Variants in CAPN13 observed in about 807,000 individuals in gnomAD.
CAPN13 encodes the protein calpain 13, also known as calpain-13.
CAPN13 carries 90 observed loss-of-function variants against 98.4 expected under a neutral mutation model. The observed-to-expected ratio is 0.92, with a 90% CI of 0.77 to 1.09. The LOEUF (loss-of-function observed/expected upper bound fraction) is 1.09. CAPN13 is among the 50% of genes least tolerant of loss of function. The pLI is 0.00. For synonymous variants in CAPN13, 330 were observed against 305.5 expected (o/e 1.08, Z -0.84); for missense variants, 887 against 841.3 (o/e 1.05, Z -0.67).
chr2:30,781,852 C>T (rs1439716219), intron 2 of CAPN13, among the ~76,000 whole-genome samples: 1 of 152,014 alleles, frequency 6.6e-6, no homozygotes, highest in East Asian at 1.9e-4. Context: ...GAGATATATA[C>T]TAGGATATAT....
intron 12 of CAPN13, among the ~76,000 whole-genome samples, chr2:30,744,278 G>A (rs944684065): frequency 2.6e-5 from 4 of 152,204 alleles, no homozygotes; most frequent in Non-Finnish European, 5.9e-5. Context: ...CAGGGAAAAC[G>A]GGAAAGGGGA....
In CAPN13 at chr2:30,730,956, T is replaced by G. The variant is rs184857435; in HGVS notation, c.1984-170A>C. On this transcript the variant is annotated intron_variant, in intron 21 of 22. Transcript: ENST00000295055. ...GGGCGGGGTTGTCTCACAGCACATCTTCTGCTACTCCCTGAATAACCAGGC... is the reference window on the plus strand; with the variant it reads ...GGGCGGGGTTGTCTCACAGCACATCGTCTGCTACTCCCTGAATAACCAGGC... Among the ~76,000 whole-genome samples the G allele has an allele frequency of 3.6e-3, 551 of 152,270 alleles. 4 individuals carry two copies. Among genetic ancestry groups the G allele is most frequent in the African/African-American group, 0.012 (519 of 41,554 alleles).
chr2:30,741,260 G>T, intron 15 of CAPN13: 2 of 503,690 alleles, frequency 4.0e-6, no homozygotes, highest in Non-Finnish European at 5.1e-6. Context: ...TTAACCCTCT[G>T]AATGCAGAGG....
rs73924860 is a variant in CAPN13, at chr2:30,788,859, C to T, written c.-32-1502G>A. Reference sequence around the variant, plus strand: ...GCATATTTGGAGAGAATTGTGCATACAACTGTCTGACAAACAAGATATGAA... The same window carrying T: ...GCATATTTGGAGAGAATTGTGCATATAACTGTCTGACAAACAAGATATGAA... On this transcript the variant is annotated intron_variant, in intron 1 of 22. Coordinates refer to ENST00000295055, the MANE Select transcript of CAPN13 (RefSeq NM_144575.3). Among the ~76,000 whole-genome samples, 195 of 152,256 alleles carry T rather than the reference C, an allele frequency of 1.3e-3. 1 individual carries two copies. Among genetic ancestry groups the T allele is most frequent in the African/African-American group, 4.6e-3 (191 of 41,548 alleles).
rs189262516 is a variant in CAPN13, at chr2:30,772,621, A to T, written c.388-2172T>A. Among the ~76,000 whole-genome samples, 547 of 152,286 alleles carry T rather than the reference A, an allele frequency of 3.6e-3. 2 individuals carry two copies. The highest frequency in any genetic ancestry group is 0.011 in the African/African-American group (476 of 41,556). ...CAGCAGCACTAGCATCACCTGCCTG[A>T]CAGAAGACCTAATATGCAAATAGTT... is the stretch of plus-strand genomic sequence containing the variant. On this transcript the variant is annotated intron_variant, in intron 4 of 22. Transcript: ENST00000295055.
At chr2:30,724,617 C>T (rs1204124862) in intron 22 of CAPN13, among the ~76,000 whole-genome samples, 1 of 152,174 alleles carries the variant, frequency 6.6e-6, no homozygotes, top group African/African-American at 2.4e-5. Context: ...CCAAAGCCAG[C>T]TCCAGAAGGC....
rs554745993 is a variant in CAPN13 at position 30,756,821 on chromosome 2, C to T, written c.866+1225G>A. ...TTCGGCTGCCCGATTCTCGCAGGGG[C>T]ATCTAAGGTCACAGTTAGGTTTATT... On this transcript the variant is annotated intron_variant, in intron 8 of 22. Transcript: ENST00000295055. Among the ~76,000 whole-genome samples the T allele has an allele frequency of 3.3e-5, 5 of 152,324 alleles. No homozygotes were observed. In the East Asian group the frequency reaches 9.7e-4, roughly 29 times the overall value.
rs552766174 is a variant in CAPN13, at chr2:30,731,442, G to T, written c.1928-43C>A. 5.7e-6 allele frequency: 9 copies of T among 1,568,720 alleles called. No homozygotes were observed. The African/African-American group carries it at 1.1e-4, about 19-fold the overall frequency. ...AGGTTTTGACTGACTGAGGAGGAAG[G>T]AATCCAGGCAGTTCAGGGGAGGCAG... is the stretch of plus-strand genomic sequence containing the variant. On this transcript the variant is annotated intron_variant, in intron 20 of 22. Transcript: ENST00000295055.
At chr2:30,731,790 G>T (rs1399197094) in intron 20 of CAPN13, among the ~76,000 whole-genome samples, 1 of 152,186 alleles carries the variant, frequency 6.6e-6, no homozygotes, top group Non-Finnish European at 1.5e-5. Context: ...TGTACCTCAG[G>T]CTTCTCTTTT....
chr2:30,766,163 C>T (rs542167647), intron 5 of CAPN13, among the ~76,000 whole-genome samples: 2 of 152,224 alleles, frequency 1.3e-5, no homozygotes, highest in Non-Finnish European at 2.9e-5. Context: ...TCTGGTGATA[C>T]GCTCAGGGCG....
intron 1 of CAPN13, among the ~76,000 whole-genome samples, chr2:30,797,841 C>A (rs141667166): frequency 2.6e-5 from 4 of 152,364 alleles, no homozygotes; most frequent in Non-Finnish European, 4.4e-5. Flanking sequence ...TGCTGTAGAC[C>A]AAGCTATCTG....
intron 9 of CAPN13, 133 bp from the exon 10 acceptor site, chr2:30,753,331 C>G (rs1672276096): frequency 1.1e-6 from 1 of 897,034 alleles, no homozygotes; most frequent in Admixed American, 2.4e-5. Flanking sequence ...CACCATCAAG[C>G]ACCCTTCTAT....
intron 1 of CAPN13, among the ~76,000 whole-genome samples, chr2:30,805,263 T>G (rs1675544329): frequency 6.6e-6 from 1 of 152,200 alleles, no homozygotes; most frequent in Non-Finnish European, 1.5e-5. Context: ...CAAGGCACAA[T>G]GCATCTGCAA....
intron 22 of CAPN13, chr2:30,729,792 A>G (rs1267377104): frequency 6.6e-6 from 1 of 152,226 alleles, no homozygotes. Context: ...TACCAAAACA[A>G]TCGAGTTTTA....
intron 1 of CAPN13, among the ~76,000 whole-genome samples, chr2:30,802,195 G>A (rs536842074): frequency 3.2e-4 from 48 of 152,136 alleles, no homozygotes; most frequent in Non-Finnish European, 6.5e-4. Context: ...GACAAATCCA[G>A]TAGTACCAGT....
chr2:30,765,776 G>C (rs1242040934), intron 5 of CAPN13, among the ~76,000 whole-genome samples: 1 of 152,204 alleles, frequency 6.6e-6, no homozygotes, highest in African/African-American at 2.4e-5. Flanking sequence ...AGAAGGAATG[G>C]CTTAGAAAGC....
intron 1 of CAPN13, among the ~76,000 whole-genome samples, chr2:30,800,353 C>T (rs1302312852): frequency 1.3e-5 from 2 of 152,212 alleles, no homozygotes; most frequent in Admixed American, 1.3e-4. Flanking sequence ...TGAGGTTCCA[C>T]AGGCAGGGCA....
rs76938041 is a variant in CAPN13 at position 30,782,255 on chromosome 2, C to T, written c.199-4616G>A. Among the ~76,000 whole-genome samples, 682 of 152,332 alleles carry T rather than the reference C, an allele frequency of 4.5e-3. 5 individuals carry two copies. The highest frequency in any genetic ancestry group is 0.016 in the African/African-American group (654 of 41,572). On this transcript the variant is annotated intron_variant, in intron 2 of 22. Transcript: ENST00000295055. Reference sequence around the variant, plus strand: ...CTCTAAAGACTTCCACATCCTCACACGGCATGCCGCTCTTGGATAAGAGAG... The same window carrying T: ...CTCTAAAGACTTCCACATCCTCACATGGCATGCCGCTCTTGGATAAGAGAG...
At chr2:30,733,896 G>T (rs1250186206) in intron 19 of CAPN13, among the ~76,000 whole-genome samples, 1 of 152,174 alleles carries the variant, frequency 6.6e-6, no homozygotes, top group Non-Finnish European at 1.5e-5. Context: ...CAGTTTGCAG[G>T]GTAGTTGAGA....
Sources: gnomAD v4.1 joint callset for allele counts (sites outside exome capture counted in the v4.1 genomes callset) on GRCh38, gnomAD v4.1.1 for gene constraint, MANE v1.5 for transcripts, NCBI Gene and HGNC (gene_info 2026-07-23, HGNC 2026-07-21) for gene names.